The following FLT1 variants were observed in gnomAD, a reference collection of about 807,000 sequenced individuals.
FLT1 encodes vascular endothelial growth factor receptor 1.
In FLT1, 49 loss-of-function variants were observed where a neutral mutation model predicts 156.3. The ratio of observed to expected loss-of-function variants is 0.31; its 90% CI spans 0.25 to 0.40. The LOEUF (loss-of-function observed/expected upper bound fraction) is 0.40, where lower values mean the gene tolerates loss of function less well. Among genes scored for constraint, FLT1 ranks in the 10% least tolerant of loss-of-function variants. The pLI, the probability that FLT1 is intolerant of heterozygous loss-of-function variation, is 1.00. For missense variants in FLT1, 1,322 were observed against 1,637.2 expected, an observed-to-expected ratio of 0.81 and a Z score of 3.32; for synonymous variants, 594 against 583.8, an observed-to-expected ratio of 1.02 and a Z score of -0.25.
rs1870482858 is a variant in FLT1 at position 28,300,761 on chromosome 13, C to G, written c.*2406G>C. ...CAGCCCCATTCCACCCAGACTGTTC[C>G]ACGTACATTATCTCAGAAACTCTGA... On this transcript the variant is annotated 3_prime_UTR_variant, in exon 30 of 30. Coordinates refer to ENST00000282397, the MANE Select transcript of FLT1 (RefSeq NM_002019.4). The G allele has an allele frequency of 8.6e-6, 2 of 233,078 alleles. No individual in the cohort carries two copies. The highest frequency in any genetic ancestry group is 3.6e-4 in the South Asian group (2 of 5,514). 14.4% of individuals were successfully genotyped at this position (233,078 alleles called of 1,614,324 possible).
intron 13 of FLT1, chr13:28,387,865 T>G (rs1398836112): frequency 1.1e-5 from 12 of 1,050,346 alleles, no homozygotes; most frequent in Non-Finnish European, 1.3e-5. Context: ...CAACTAATAC[T>G]CTATGGAATT....
At chr13:28,443,274 C>G (rs1225477056) in intron 3 of FLT1, among the ~76,000 whole-genome samples, 1 of 152,206 alleles carries the variant, frequency 6.6e-6, no homozygotes, top group African/African-American at 2.4e-5. Context: ...AACAGGGACC[C>G]TTGCTCAGAA....
intron 10 of FLT1, among the ~76,000 whole-genome samples, chr13:28,414,128 G>C (rs1213186207): frequency 6.6e-6 from 1 of 152,198 alleles, no homozygotes; most frequent in African/African-American, 2.4e-5. Context: ...TGGTCAGGGA[G>C]TTTGCCTACT....
chr13:28,491,533 G>C (rs1383392267), intron 1 of FLT1, among the ~76,000 whole-genome samples: 1 of 152,254 alleles, frequency 6.6e-6, no homozygotes. Context: ...GCTGGCTCAG[G>C]CATCCTCTAC....
At chr13:28,347,710 T>C (rs774557984) in intron 15 of FLT1, among the ~76,000 whole-genome samples, 4 of 152,200 alleles carry the variant, frequency 2.6e-5, no homozygotes, top group Non-Finnish European at 4.4e-5. Context: ...AAACCTGAGA[T>C]AACAATAACT....
At chr13:28,316,536 A>G (rs17619037) in intron 25 of FLT1, among the ~76,000 whole-genome samples, 17,725 of 152,324 alleles carry the variant, frequency 0.12, 1,372 homozygotes, top group Middle Eastern at 0.19. Context: ...AAGACAGGCA[A>G]GCAAGTGCAA....
At chr13:28,482,331 A>T (rs1880905524) in intron 1 of FLT1, among the ~76,000 whole-genome samples, 1 of 152,028 alleles carries the variant, frequency 6.6e-6, no homozygotes, top group South Asian at 2.1e-4. Context: ...CCAGCTATTC[A>T]GGAGGCTGAG....
chr13:28,469,024 C>A (rs1806246457), intron 1 of FLT1, among the ~76,000 whole-genome samples: 1 of 152,198 alleles, frequency 6.6e-6, no homozygotes, highest in Non-Finnish European at 1.5e-5. Context: ...CTCCCCTCAT[C>A]CCTCAGTCTC....
At chr13:28,436,189 C>T (rs758976209) in intron 4 of FLT1, among the ~76,000 whole-genome samples, 2 of 152,114 alleles carry the variant, frequency 1.3e-5, no homozygotes, top group South Asian at 2.1e-4. Context: ...TGGCCACCAC[C>T]GCATGTGTAA....
At chr13:28,371,884 GT>G (rs962438036) in intron 14 of FLT1, among the ~76,000 whole-genome samples, 12 of 151,476 alleles carry the variant, frequency 7.9e-5, no homozygotes, top group Non-Finnish European at 1.3e-4. Context: ...CATGACAGTA[GT>G]TTTGTTTGTT....
chr13:28,389,460 C>T, intron 13 of FLT1: 1 of 1,323,118 alleles, frequency 7.6e-7, no homozygotes, highest in Non-Finnish European at 9.6e-7. Context: ...ACAGCAAGAG[C>T]AACAAACACA....
intron 14 of FLT1, among the ~76,000 whole-genome samples, chr13:28,373,182 G>A (rs538259144): frequency 6.6e-6 from 1 of 152,340 alleles, no homozygotes; most frequent in Non-Finnish European, 1.5e-5. Context: ...GGAGGTGGGG[G>A]AGGGAACGTG....
chr13:28,470,068 T>C (rs1880072558), intron 1 of FLT1, among the ~76,000 whole-genome samples: 1 of 152,142 alleles, frequency 6.6e-6, no homozygotes, highest in Admixed American at 6.5e-5. Context: ...TTAAAAGTAA[T>C]TTTTACAGAC....
At chr13:28,432,276 T>G (rs1296836869) in intron 6 of FLT1, among the ~76,000 whole-genome samples, 1 of 152,204 alleles carries the variant, frequency 6.6e-6, no homozygotes, top group Non-Finnish European at 1.5e-5. Flanking sequence ...GTGCCACGTT[T>G]AATACACTTC....
At position 28,300,529 on chromosome 13, in the gene FLT1, A is replaced by ACACACC. The variant is rs1566273874; in HGVS notation, c.*2637_*2638insGGTGTG. The ACACACC allele has an allele frequency of 3.1e-4, 35 of 112,564 alleles. No homozygotes were observed. The highest frequency in any genetic ancestry group is 9.0e-4 in the African/African-American group (21 of 23,300). The allele number at this position is 112,564 out of a possible 1,614,324, so 7.0% of individuals were successfully genotyped here. ...ACAAAACACACATACACCCACACAC[A>ACACACC]CACACACACACACACACACACACAC... On this transcript the variant is annotated 3_prime_UTR_variant, in exon 30 of 30. Transcript: ENST00000282397.
chr13:28,338,405 G>A (rs1456723063), intron 17 of FLT1, among the ~76,000 whole-genome samples: 1 of 152,142 alleles, frequency 6.6e-6, no homozygotes, highest in African/African-American at 2.4e-5. Flanking sequence ...AACATTTTGG[G>A]TAGGAGTAAT....
intron 14 of FLT1, among the ~76,000 whole-genome samples, chr13:28,371,444 T>A (rs115388268): frequency 0.013 from 1,928 of 152,256 alleles, 46 homozygotes; most frequent in African/African-American, 0.044. Flanking sequence ...CTTCCCTTTG[T>A]CCCGCACGCA....
chr13:28,432,781 A>T (rs1877773372), intron 6 of FLT1, among the ~76,000 whole-genome samples: 1 of 152,248 alleles, frequency 6.6e-6, no homozygotes, highest in South Asian at 2.1e-4. Context: ...TTACAGCAGC[A>T]ATGCTAGCAG....
Position 28,357,699 on chromosome 13 carries a change from G to A in FLT1, c.2117-14C>T, listed in dbSNP as rs575832649. ...CTAAAATAATTCCTGAGGGGTGAGA[G>A]ATGTTTAGATTAGTGGGCCTGGATG... On this transcript the variant is annotated splice_polypyrimidine_tract_variant and intron_variant, in intron 14 of 29. Transcript: ENST00000282397. 21 of 1,611,660 alleles carry A rather than the reference G, an allele frequency of 1.3e-5. No homozygotes were observed. In the African/African-American group the frequency reaches 2.0e-4, roughly 15 times the overall value.
Sources: gnomAD v4.1 joint callset for allele counts (sites outside exome capture counted in the v4.1 genomes callset) on GRCh38, gnomAD v4.1.1 for gene constraint, MANE v1.5 for transcripts, NCBI Gene and HGNC (gene_info 2026-07-23, HGNC 2026-07-21) for gene names.